TMEM177: variants seen among roughly 807,000 people sequenced by gnomAD.
TMEM177 encodes the protein transmembrane protein 177.
In TMEM177, 4 loss-of-function variants were observed where a neutral mutation model predicts 14.2. That is an observed-to-expected ratio of 0.28 (90% confidence interval 0.14 to 0.64). The LOEUF is 0.64. TMEM177 is among the 30% of genes least tolerant of loss of function. The pLI is 0.82. For missense variants in TMEM177, 344 were observed against 405.2 expected (o/e 0.85, Z 1.30); for synonymous variants, 179 against 174.5 (o/e 1.03, Z -0.20).
chr2:119,713,231 G>A, the TMEM177 span, among the ~76,000 whole-genome samples: 6 of 152,068 alleles, frequency 3.9e-5, no homozygotes, highest in Non-Finnish European at 8.8e-5. Context: ...CACCAAGCCT[G>A]ACTAATTTTG....
At chr2:119,685,856 G>A, downstream of TMEM177, 2 of 602,030 alleles carry the variant, frequency 3.3e-6, no homozygotes, top group South Asian at 2.1e-5. Context: ...CCTCATGCTG[G>A]GTTAGAAGTA....
chr2:119,711,797 C>T, the TMEM177 span, among the ~76,000 whole-genome samples: 1 of 152,134 alleles, frequency 6.6e-6, no homozygotes, highest in Non-Finnish European at 1.5e-5. Context: ...CAAAGGAGTC[C>T]AGGCCTTTCC....
In TMEM177 at chr2:119,681,355, G is replaced by T. The variant is rs775431452; in HGVS notation, c.502G>T (p.Val168Leu). ...VVYLESSTTA[V>L]HALLAPACLA... ...GTACCTGGAAAGCAGTACCACTGCCGTGCACGCCCTGCTGGCCCCAGCTTG... is the reference window on the plus strand; with the variant it reads ...GTACCTGGAAAGCAGTACCACTGCCTTGCACGCCCTGCTGGCCCCAGCTTG... The change falls in exon 2 of 2, where the codon GTG (valine) becomes TTG (leucine). Residue 168 changes from valine to leucine, a missense_variant. Val to Leu is a conservative substitution (Grantham distance 32). Transcript: ENST00000272521. 7.4e-6 allele frequency: 12 copies of T among 1,614,128 alleles called. No individual in the cohort carries two copies. Among genetic ancestry groups the T allele is most frequent in the South Asian group, 1.1e-5 (1 of 91,078 alleles).
At chr2:119,695,419 GTC>G in the TMEM177 span, among the ~76,000 whole-genome samples, 1 of 152,228 alleles carries the variant, frequency 6.6e-6, no homozygotes, top group African/African-American at 2.4e-5. Context: ...TTCCTTGTCT[GTC>G]TCTCCCAACT....
At chr2:119,685,218 C>G (rs999765749), downstream of TMEM177, among the ~76,000 whole-genome samples, 2 of 130,488 alleles carry the variant, frequency 1.5e-5, no homozygotes, top group Admixed American at 7.8e-5. Context: ...GCCCGCCCCC[C>G]CCCCCCTTTG....
At position 119,681,613 on chromosome 2, in the gene TMEM177, C is replaced by A. The variant is rs1238408044; in HGVS notation, c.760C>A (p.Leu254Met). ...CGGVEFYEKLLSGNLALRSLL... is the reference protein window; with the variant it reads ...CGGVEFYEKLMSGNLALRSLL... ...TGGAGTGGAGTTCTATGAGAAGCTT[C>A]TGTCGGGCAACCTGGCCCTGCGCAG... Residue 254 changes from leucine to methionine, a missense_variant, in exon 2 of 2, where the codon CTG becomes ATG. Physicochemically the swap from Leu to Met is conservative, Grantham distance 15. Coordinates refer to ENST00000272521, the MANE Select transcript of TMEM177 (RefSeq NM_030577.3). The A allele has an allele frequency of 6.2e-7, 1 of 1,614,148 alleles. No homozygotes were observed. The highest frequency in any genetic ancestry group is 1.7e-5 in the Admixed American group (1 of 60,012).
chr2:119,679,747 A>G (rs542188404), intron 1 of TMEM177: 1 of 152,358 alleles, frequency 6.6e-6, no homozygotes, highest in South Asian at 2.1e-4. Context: ...GAAATCAAAC[A>G]AGATTGGCCA....
the TMEM177 span, among the ~76,000 whole-genome samples, chr2:119,717,839 C>T: frequency 3.9e-5 from 6 of 151,990 alleles, no homozygotes; most frequent in African/African-American, 1.2e-4. Flanking sequence ...AGCCTGGTCT[C>T]GAACTCCTGA....
downstream of TMEM177, among the ~76,000 whole-genome samples, chr2:119,682,747 C>G (rs1341581516): frequency 1.3e-5 from 2 of 152,206 alleles, no homozygotes; most frequent in Non-Finnish European, 2.9e-5. Context: ...CCAGAGCTGT[C>G]AGCCTCCCCA....
At chr2:119,702,490 A>G in the TMEM177 span, among the ~76,000 whole-genome samples, 2 of 152,218 alleles carry the variant, frequency 1.3e-5, no homozygotes, top group Admixed American at 6.5e-5. Context: ...TTGGCACTAC[A>G]TAAGAGTTCC....
At position 119,681,422 on chromosome 2, in the gene TMEM177, C is replaced by T; in HGVS notation, c.569C>T (p.Thr190Ile). Residue 190 changes from threonine to isoleucine, a missense_variant, in exon 2 of 2, where the codon ACC (threonine) becomes ATC (isoleucine). Transcript: ENST00000272521. ...TWALGVGAKY[T>I]LGLHAGPMNL... ...GCACTGGGCGTGGGTGCCAAGTACA[C>T]CCTGGGGCTCCATGCAGGCCCCATG... 6.2e-7 allele frequency: 1 copy of T among 1,613,990 alleles called. No homozygotes were observed. The highest frequency in any genetic ancestry group is 8.5e-7 in the Non-Finnish European group (1 of 1,180,022).
chr2:119,686,869 A>G (rs146730750), downstream of TMEM177, among the ~76,000 whole-genome samples: 2,136 of 152,258 alleles, frequency 0.014, 22 homozygotes, highest in Non-Finnish European at 0.021. Context: ...CACCTGGCCC[A>G]TACTGGTAAT....
downstream of TMEM177, among the ~76,000 whole-genome samples, chr2:119,689,721 A>G (rs1321781713): frequency 6.6e-6 from 1 of 152,200 alleles, no homozygotes; most frequent in African/African-American, 2.4e-5. Flanking sequence ...GAAACTGGCC[A>G]TGGGAACAGC....
chr2:119,694,038 TACC>T, the TMEM177 span, among the ~76,000 whole-genome samples: 4 of 4,140 alleles, frequency 9.7e-4, no homozygotes, highest in Admixed American at 5.5e-3. Context: ...ATATGACACA[TACC>T]ACACACATCA....
At chr2:119,690,628 C>T (rs1007122438), downstream of TMEM177, among the ~76,000 whole-genome samples, 8 of 152,266 alleles carry the variant, frequency 5.3e-5, no homozygotes, top group Admixed American at 3.9e-4. Flanking sequence ...AGGGAGCCGG[C>T]GTCCACATGC....
chr2:119,689,035 TC>T (rs147153459), downstream of TMEM177, among the ~76,000 whole-genome samples: 20 of 152,292 alleles, frequency 1.3e-4, no homozygotes, highest in East Asian at 3.3e-3. Context: ...TCAGAACTGC[TC>T]TGAAGTCTGA....
downstream of TMEM177, among the ~76,000 whole-genome samples, chr2:119,689,145 G>T (rs994392370): frequency 2.8e-4 from 42 of 152,148 alleles, no homozygotes; most frequent in Admixed American, 2.6e-4. Context: ...TTCACAGGCG[G>T]TTCCCCCAAT....
downstream of TMEM177, among the ~76,000 whole-genome samples, chr2:119,683,330 T>TA (rs1688949455): frequency 6.6e-6 from 1 of 152,126 alleles, no homozygotes; most frequent in South Asian, 2.1e-4. Flanking sequence ...TTGGAATACA[T>TA]AGGTGGATAG....
the TMEM177 span, among the ~76,000 whole-genome samples, chr2:119,704,513 G>A: frequency 4.6e-5 from 7 of 152,062 alleles, no homozygotes; most frequent in Non-Finnish European, 7.4e-5. Context: ...CAGGAGAATC[G>A]CTTGAACCTG....
Sources: gnomAD v4.1 joint callset for allele counts (sites outside exome capture counted in the v4.1 genomes callset) on GRCh38, gnomAD v4.1.1 for gene constraint, MANE v1.5 for transcripts, NCBI Gene and HGNC (gene_info 2026-07-23, HGNC 2026-07-21) for gene names.